The following STIMATE variants were observed in gnomAD, a reference collection of about 807,000 sequenced individuals.
STIMATE encodes the protein STIM activating enhancer.
STIMATE carries 15 observed loss-of-function variants against 36.7 expected under a neutral mutation model. That is an observed-to-expected ratio of 0.41 (90% CI 0.27 to 0.63). STIMATE has a LOEUF of 0.63. Among genes scored for constraint, STIMATE ranks in the 20% least tolerant of loss-of-function variants. The probability of loss-of-function intolerance (pLI) is 0.32; values close to 1 mark genes in which losing one functional copy is unlikely to be tolerated. For missense variants in STIMATE, 305 were observed against 397.3 expected (o/e 0.77, Z 1.98); for synonymous variants, 163 against 162.3 (o/e 1.00, Z -0.03).
Position 52,837,941 on chromosome 3 carries a change from G to T in STIMATE, c.*2553C>A, listed in dbSNP as rs1700733020. On this transcript the variant is annotated 3_prime_UTR_variant, in exon 8 of 8. Coordinates refer to ENST00000355083, the MANE Select transcript of STIMATE (RefSeq NM_198563.5). ...GGTGCACCACGGAAGAGCCCCCAGT[G>T]ACTGCAGGAGGCACTCCTGGGGATA... 6.6e-6 allele frequency: 1 copy of T among 152,170 alleles called. No homozygotes were observed. Among genetic ancestry groups the T allele is most frequent in the Non-Finnish European group, 1.5e-5 (1 of 68,058 alleles). The allele number at this position is 152,170 out of a possible 1,614,324, so 9.4% of individuals were successfully genotyped here.
chr3:52,849,888 C>T lies in STIMATE; in HGVS notation c.331G>A (p.Ala111Thr), dbSNP rs747256275. 7.4e-6 allele frequency: 12 copies of T among 1,613,592 alleles called. No homozygotes were observed. Among genetic ancestry groups the T allele is most frequent in the East Asian group, 2.2e-5 (1 of 44,876 alleles). The change falls in exon 4 of 8, where the codon GCC becomes ACC. Residue 111 changes from alanine (A) to threonine (T), a missense_variant. Ala to Thr is a moderately conservative substitution (Grantham distance 58). This residue lies in a region of STIMATE where 164 missense variants were observed against 257.9 expected (regional missense o/e 0.64). Coordinates refer to ENST00000355083, the MANE Select transcript of STIMATE (RefSeq NM_198563.5). ...SLYLINFLLD[A>T]TVGMLLIYVG... ...TAGATGAGCAGCATGCCCACAGTGG[C>T]GTCCAGGAGGAAGTTGATGAGGTAC...
At chr3:52,870,236 G>A (rs1241495740) in intron 1 of STIMATE, among the ~76,000 whole-genome samples, 1 of 152,180 alleles carries the variant, frequency 6.6e-6, no homozygotes, top group African/African-American at 2.4e-5. Context: ...GGGATTACAG[G>A]TGTGGGCCAC....
intron 1 of STIMATE, among the ~76,000 whole-genome samples, chr3:52,874,429 G>A (rs1338478721): frequency 6.6e-6 from 1 of 152,096 alleles, no homozygotes; most frequent in Non-Finnish European, 1.5e-5. Flanking sequence ...GAAATTCAGA[G>A]GCATATACAA....
chr3:52,860,066 T>C (rs914087965), intron 1 of STIMATE, among the ~76,000 whole-genome samples: 8 of 151,164 alleles, frequency 5.3e-5, no homozygotes, highest in African/African-American at 1.9e-4. Flanking sequence ...TTTTTTTTTT[T>C]TTTTTAAAGG....
intron 1 of STIMATE, among the ~76,000 whole-genome samples, chr3:52,889,572 T>C (rs1010731769): frequency 3.9e-5 from 6 of 152,232 alleles, no homozygotes; most frequent in East Asian, 1.9e-4. Context: ...TCCTCATCTA[T>C]AAGACGGAGA....
At chr3:52,863,417 G>A (rs1283935775) in intron 1 of STIMATE, among the ~76,000 whole-genome samples, 1 of 152,096 alleles carries the variant, frequency 6.6e-6, no homozygotes, top group African/African-American at 2.4e-5. Context: ...ACAGTATGGG[G>A]GAAACCACCC....
intron 1 of STIMATE, among the ~76,000 whole-genome samples, chr3:52,883,021 C>T (rs1458337445): frequency 6.6e-6 from 1 of 152,158 alleles, no homozygotes; most frequent in African/African-American, 2.4e-5. Flanking sequence ...TTCTTCCAAA[C>T]GTCTGTAACT....
chr3:52,843,126 C>A, intron 6 of STIMATE, 166 bp from the exon 7 acceptor site: 1 of 1,280,870 alleles, frequency 7.8e-7, no homozygotes, highest in East Asian at 2.6e-5. Context: ...GAAAGAGATT[C>A]CCAGTCTCCA....
intron 1 of STIMATE, among the ~76,000 whole-genome samples, chr3:52,872,211 C>T (rs1575341546): frequency 6.6e-6 from 1 of 152,186 alleles, no homozygotes; most frequent in East Asian, 1.9e-4. Flanking sequence ...CTTCTCCCTA[C>T]TAGAAAGTAA....
At chr3:52,872,685 GC>G (rs1701427540) in intron 1 of STIMATE, among the ~76,000 whole-genome samples, 1 of 152,214 alleles carries the variant, frequency 6.6e-6, no homozygotes, top group African/African-American at 2.4e-5. Context: ...GAGTGCAATG[GC>G]ACAATCTCGG....
intron 1 of STIMATE, among the ~76,000 whole-genome samples, chr3:52,871,583 CCTCA>C (rs983036666): frequency 5.9e-5 from 9 of 152,142 alleles, no homozygotes; most frequent in South Asian, 2.1e-4. Flanking sequence ...AGCCTCAGAG[CCTCA>C]CTATGTTTCA....
chr3:52,887,994 GTTT>G (rs71087029), intron 1 of STIMATE, among the ~76,000 whole-genome samples: 51 of 52,702 alleles, frequency 9.7e-4, no homozygotes, highest in South Asian at 3.5e-3. Context: ...AACAGAATCA[GTTT>G]TTTTTTTTTT....
intron 1 of STIMATE, among the ~76,000 whole-genome samples, chr3:52,895,539 C>T (rs111629804): frequency 0.017 from 2,628 of 152,298 alleles, 72 homozygotes; most frequent in African/African-American, 0.059. Context: ...AAAGTACCAA[C>T]CACAGTGGGA....
chr3:52,893,262 G>A (rs1701810793), intron 1 of STIMATE, among the ~76,000 whole-genome samples: 2 of 152,070 alleles, frequency 1.3e-5, no homozygotes, highest in Admixed American at 1.3e-4. Context: ...TAAGTATGAT[G>A]ATGAAATTGT....
intron 5 of STIMATE, 28 bp downstream of exon 5, chr3:52,844,801 G>A (rs764259325): frequency 6.2e-7 from 1 of 1,610,822 alleles, no homozygotes; most frequent in Non-Finnish European, 8.5e-7. Flanking sequence ...GCGTGGCAAG[G>A]AGCTGCTCAT....
chr3:52,877,483 G>C (rs1278809120), intron 1 of STIMATE, among the ~76,000 whole-genome samples: 1 of 152,220 alleles, frequency 6.6e-6, no homozygotes, highest in African/African-American at 2.4e-5. Flanking sequence ...GTAAGAGTAG[G>C]CATTGGAGGG....
At chr3:52,878,325 C>A (rs373318597) in intron 1 of STIMATE, among the ~76,000 whole-genome samples, 1 of 150,888 alleles carries the variant, frequency 6.6e-6, no homozygotes, top group East Asian at 1.9e-4. Context: ...CAGGCTATAC[C>A]ACCTCATGCC....
intron 1 of STIMATE, among the ~76,000 whole-genome samples, chr3:52,881,887 T>A (rs1031532976): frequency 6.6e-6 from 1 of 152,266 alleles, no homozygotes; most frequent in Non-Finnish European, 1.5e-5. Flanking sequence ...TCTACCTTCC[T>A]AAGCAGGCTA....
chr3:52,873,616 G>C (rs748797111), intron 1 of STIMATE, among the ~76,000 whole-genome samples: 4 of 152,192 alleles, frequency 2.6e-5, no homozygotes, highest in African/African-American at 9.6e-5. Context: ...TATCAGAGTT[G>C]CTGCTCCAAG....
Sources: allele counts gnomAD v4.1 joint callset (sites outside exome capture counted in the v4.1 genomes callset), GRCh38; gene constraint gnomAD v4.1.1; regional missense constraint gnomAD v4.1.1; transcripts MANE v1.5; gene names NCBI Gene and HGNC (gene_info 2026-07-23, HGNC 2026-07-21).